The following CCDC30 variants were observed in gnomAD, a reference collection of about 807,000 sequenced individuals.
CCDC30 encodes coiled-coil domain-containing protein 30.
Under a neutral mutation model 100.2 loss-of-function variants are expected in CCDC30, and 70 were observed. The observed-to-expected ratio is 0.70, with a 90% CI of 0.58 to 0.85. The LOEUF is 0.85. CCDC30 is among the 40% of genes least tolerant of loss of function. CCDC30 has a pLI of 0.00. For missense variants in CCDC30, 652 were observed against 771.2 expected (o/e 0.85, Z 1.83); for synonymous variants, 233 against 269.5 (o/e 0.86, Z 1.33).
At chr1:42,486,626 C>T (rs1644055133) in intron 3 of CCDC30, among the ~76,000 whole-genome samples, 2 of 152,208 alleles carry the variant, frequency 1.3e-5, no homozygotes, top group African/African-American at 4.8e-5. Flanking sequence ...TGGGAGCGGA[C>T]TCTTGGAAGC....
chr1:42,619,035 G>A (rs1285837758), intron 11 of CCDC30, among the ~76,000 whole-genome samples: 4 of 152,130 alleles, frequency 2.6e-5, no homozygotes, highest in Non-Finnish European at 5.9e-5. Context: ...TAGTTCCTAT[G>A]CTGAGTAAAC....
intron 10 of CCDC30, chr1:42,591,464 G>A (rs933290717): frequency 6.6e-6 from 1 of 152,322 alleles, no homozygotes; most frequent in Non-Finnish European, 1.5e-5. Context: ...CAAGCCATAA[G>A]CCTTGGTGGC....
intron 10 of CCDC30, among the ~76,000 whole-genome samples, chr1:42,598,816 T>C (rs577584666): frequency 1.3e-5 from 2 of 151,648 alleles, no homozygotes; most frequent in South Asian, 4.2e-4. Context: ...ATCCCAGTAC[T>C]TTGGGAGGCC....
chr1:42,648,907 C>G lies in CCDC30; in HGVS notation c.1854+2590C>G, dbSNP rs553849013. 3.9e-5 allele frequency among the ~76,000 whole-genome samples: 6 copies of G among 151,930 alleles called. No individual in the cohort carries two copies. The East Asian group carries it at 1.2e-3, about 29-fold the overall frequency. Reference sequence around the variant, plus strand: ...CAGAAATACAAAGAATCATTAGAGACTATTATGAATAACCATATGCCAACA... The same window carrying G: ...CAGAAATACAAAGAATCATTAGAGAGTATTATGAATAACCATATGCCAACA... On this transcript the variant is annotated intron_variant, in intron 15 of 16. Coordinates refer to ENST00000668663, the Ensembl canonical transcript of CCDC30.
intron 4 of CCDC30, chr1:42,492,046 C>T (rs1347021380): frequency 4.3e-6 from 2 of 463,398 alleles, no homozygotes; most frequent in Non-Finnish European, 8.0e-6. Context: ...CATGGATTTA[C>T]CCCTGACGAA....
At chr1:42,631,416 G>T (rs1372655017) in intron 11 of CCDC30, among the ~76,000 whole-genome samples, 3 of 152,158 alleles carry the variant, frequency 2.0e-5, no homozygotes, top group Admixed American at 1.3e-4. Flanking sequence ...GGACTGTGTT[G>T]GGTCATACCT....
chr1:42,580,538 C>T (rs1183725998), intron 8 of CCDC30, among the ~76,000 whole-genome samples: 1 of 151,898 alleles, frequency 6.6e-6, no homozygotes, highest in Admixed American at 6.6e-5. Flanking sequence ...CTACTATGTA[C>T]GAGGCACAAT....
chr1:42,630,118 G>T (rs975397583), intron 11 of CCDC30, among the ~76,000 whole-genome samples: 1 of 151,838 alleles, frequency 6.6e-6, no homozygotes, highest in Non-Finnish European at 1.5e-5. Context: ...GGAATTACAG[G>T]CATGTACCAC....
At chr1:42,562,408 GA>G (rs564383762) in intron 6 of CCDC30, among the ~76,000 whole-genome samples, 119 of 152,254 alleles carry the variant, frequency 7.8e-4, no homozygotes, top group African/African-American at 2.8e-3. Context: ...GCCATATGCA[GA>G]AAAATGAAAC....
chr1:42,653,772 C>A, intron 16 of CCDC30, 46 bp from the exon 21 acceptor site: 1 of 1,470,208 alleles, frequency 6.8e-7, no homozygotes, highest in Non-Finnish European at 9.5e-7. Context: ...GAACTGCTAC[C>A]AACAAACTCT....
At chr1:42,648,391 C>T (rs1648060903) in intron 15 of CCDC30, among the ~76,000 whole-genome samples, 1 of 152,078 alleles carries the variant, frequency 6.6e-6, no homozygotes. Flanking sequence ...TTAGAGCAGG[C>T]CGGGCGCAGT....
intron 6 of CCDC30, among the ~76,000 whole-genome samples, chr1:42,545,860 C>T (rs1011927893): frequency 6.6e-6 from 1 of 151,688 alleles, no homozygotes; most frequent in South Asian, 2.1e-4. Flanking sequence ...GGGAAGATTG[C>T]TTGAGCGTGG....
upstream of CCDC30, chr1:42,459,335 G>T: frequency 2.5e-6 from 1 of 394,572 alleles, no homozygotes. Flanking sequence ...GCTAATTTTT[G>T]TATTTTTTTG....
intron 4 of CCDC30, among the ~76,000 whole-genome samples, chr1:42,494,169 G>A (rs569456694): frequency 2.5e-4 from 38 of 152,296 alleles, no homozygotes; most frequent in Non-Finnish European, 4.1e-4. Flanking sequence ...ATAGATCAAT[G>A]GAACAGAACA....
chr1:42,581,239 T>A, intron 8 of CCDC30, 121 bp from the exon 13 acceptor site: 1 of 731,024 alleles, frequency 1.4e-6, no homozygotes, highest in Non-Finnish European at 2.3e-6. Context: ...CTACTCTTTT[T>A]ACTTCAGGTC....
intron 1 of CCDC30, among the ~76,000 whole-genome samples, chr1:42,475,069 T>A (rs1428081820): frequency 6.6e-6 from 1 of 152,100 alleles, no homozygotes; most frequent in African/African-American, 2.4e-5. Context: ...GAAACTTGAT[T>A]TAAAACCTGG....
In CCDC30 at chr1:42,475,177, A is replaced by G. The variant is rs908273706; in HGVS notation, c.-91-5284A>G. On this transcript the variant is annotated intron_variant, in intron 1 of 16. Coordinates refer to ENST00000668663, the Ensembl canonical transcript of CCDC30. Reference sequence around the variant, plus strand: ...GGGAAACATAGTGTATGATAATGTAAGACAGCTGGAAGGGAGTTTAGAGCC... The same window carrying G: ...GGGAAACATAGTGTATGATAATGTAGGACAGCTGGAAGGGAGTTTAGAGCC... 1.0e-3 allele frequency among the ~76,000 whole-genome samples: 157 copies of G among 152,154 alleles called. 1 individual carries two copies. Among genetic ancestry groups the G allele is most frequent in the African/African-American group, 2.0e-3 (84 of 41,438 alleles).
intron 6 of CCDC30, among the ~76,000 whole-genome samples, chr1:42,505,436 C>G (rs1180318696): frequency 6.6e-6 from 1 of 152,046 alleles, no homozygotes; most frequent in Non-Finnish European, 1.5e-5. Flanking sequence ...TAAAAATAAC[C>G]AATGAAACTA....
chr1:42,524,993 C>A (rs1242428947), intron 6 of CCDC30, among the ~76,000 whole-genome samples: 19 of 152,096 alleles, frequency 1.2e-4, no homozygotes, highest in Admixed American at 1.2e-3. Context: ...AGATATCATT[C>A]CTTTGTCTTC....
Sources: gnomAD v4.1 joint callset for allele counts (sites outside exome capture counted in the v4.1 genomes callset) on GRCh38, gnomAD v4.1.1 for gene constraint, MANE v1.5 for transcripts, NCBI Gene and HGNC (gene_info 2026-07-23, HGNC 2026-07-21) for gene names.